Variants in ATE1 observed in about 807,000 individuals in gnomAD.
ATE1 encodes the protein arginyl-tRNA--protein transferase 1.
In ATE1, 36 loss-of-function variants were observed where a neutral mutation model predicts 70.5. That is an observed-to-expected ratio of 0.51 (90% CI 0.39 to 0.67). ATE1 has a LOEUF of 0.67. Among genes scored for constraint, ATE1 ranks in the 30% least tolerant of loss-of-function variants. ATE1 has a pLI of 0.00. For missense variants in ATE1, 593 were observed against 629.5 expected (o/e 0.94, Z 0.62); for synonymous variants, 232 against 219.3 (o/e 1.06, Z -0.51).
chr10:121,853,256 C>T (rs1309451311), intron 8 of ATE1, among the ~76,000 whole-genome samples: 5 of 146,166 alleles, frequency 3.4e-5, no homozygotes, highest in East Asian at 2.2e-4. Flanking sequence ...CCCACCTACT[C>T]GGGAGGCTGA....
chr10:121,782,080 C>A (rs1323706250), intron 11 of ATE1, among the ~76,000 whole-genome samples: 3 of 152,032 alleles, frequency 2.0e-5, no homozygotes, highest in African/African-American at 7.2e-5. Flanking sequence ...TTTAAAAATA[C>A]CTTGCAGGAA....
intron 10 of ATE1, among the ~76,000 whole-genome samples, chr10:121,803,783 G>A (rs957695710): frequency 2.0e-5 from 3 of 152,138 alleles, no homozygotes; most frequent in African/African-American, 7.2e-5. Context: ...AATCATAAAG[G>A]TCTGTTTAAT....
intron 8 of ATE1, among the ~76,000 whole-genome samples, chr10:121,869,051 T>C (rs772029123): frequency 1.8e-4 from 27 of 152,216 alleles, no homozygotes; most frequent in Non-Finnish European, 3.5e-4. Flanking sequence ...GAAGGACAAG[T>C]GCAAGGCAAG....
chr10:121,875,298 GTTTTTTTTTGTT>G (rs1160026721), intron 7 of ATE1, among the ~76,000 whole-genome samples: 3 of 89,482 alleles, frequency 3.4e-5, no homozygotes, highest in African/African-American at 4.3e-5. Context: ...TTTTTTTTTG[GTTTTTTTTTGTT>G]TTTTTTTTTT....
chr10:121,803,611 T>C (rs550994545), intron 10 of ATE1, among the ~76,000 whole-genome samples: 2 of 152,342 alleles, frequency 1.3e-5, no homozygotes, highest in East Asian at 1.9e-4. Flanking sequence ...CTTTTTAAAA[T>C]GTATATGCCC....
chr10:121,888,542 G>C (rs10887010), intron 7 of ATE1, among the ~76,000 whole-genome samples: 20,059 of 152,134 alleles, frequency 0.13, 1,522 homozygotes, highest in East Asian at 0.19. Flanking sequence ...TACAGTAAAA[G>C]AGTAAGACTG....
intron 11 of ATE1, among the ~76,000 whole-genome samples, chr10:121,755,117 TA>T (rs994721851): frequency 7.9e-5 from 12 of 152,276 alleles, no homozygotes; most frequent in Non-Finnish European, 1.3e-4. Context: ...ACCTTAGGTC[TA>T]AAAAAACAGA....
Position 121,806,436 on chromosome 10 carries a change from G to A in ATE1, c.1258-16147C>T, listed in dbSNP as rs11200170. Reference sequence around the variant, plus strand: ...CCACTGTACTTTAGTCTGGGTGACCGAGTGAGACCCTGACTCCCCCACCCC... The same window carrying A: ...CCACTGTACTTTAGTCTGGGTGACCAAGTGAGACCCTGACTCCCCCACCCC... On this transcript the variant is annotated intron_variant, in intron 10 of 11. Coordinates refer to ENST00000224652, the MANE Select transcript of ATE1 (RefSeq NM_001001976.3). Among the ~76,000 whole-genome samples, 132 of 152,204 alleles carry A rather than the reference G, an allele frequency of 8.7e-4. No homozygotes were observed. The East Asian group carries it at 0.018, about 21-fold the overall frequency.
intron 7 of ATE1, among the ~76,000 whole-genome samples, chr10:121,882,760 T>A (rs762714019): frequency 2.1e-4 from 32 of 152,210 alleles, no homozygotes; most frequent in Non-Finnish European, 1.0e-4. Flanking sequence ...GCACATTTGT[T>A]CTCAGGCAGG....
intron 5 of ATE1, among the ~76,000 whole-genome samples, chr10:121,906,016 A>G (rs779241588): frequency 5.9e-5 from 9 of 152,198 alleles, no homozygotes; most frequent in Non-Finnish European, 1.0e-4. Context: ...GATTAGTCCC[A>G]GGTGATTTAA....
At chr10:121,769,586 A>G (rs1333295947) in intron 11 of ATE1, among the ~76,000 whole-genome samples, 2 of 152,212 alleles carry the variant, frequency 1.3e-5, no homozygotes, top group Admixed American at 1.3e-4. Context: ...TTGCTCTGCG[A>G]AAAACCCTGA....
intron 8 of ATE1, among the ~76,000 whole-genome samples, chr10:121,849,485 C>T (rs1174935712): frequency 1.3e-5 from 2 of 152,192 alleles, no homozygotes; most frequent in Non-Finnish European, 2.9e-5. Flanking sequence ...ACTCCCATCT[C>T]TCAATTCCTG....
chr10:121,770,747 A>AC (rs946514613), intron 11 of ATE1, among the ~76,000 whole-genome samples: 2 of 151,998 alleles, frequency 1.3e-5, no homozygotes, highest in Admixed American at 6.6e-5. Flanking sequence ...AAAAAAAAAA[A>AC]AAAACTCTTA....
chr10:121,870,644 TTC>T (rs755770281), intron 7 of ATE1, among the ~76,000 whole-genome samples: 2 of 152,178 alleles, frequency 1.3e-5, no homozygotes, highest in Non-Finnish European at 2.9e-5. Context: ...CCTTTCTCCC[TTC>T]TCTCTCACCT....
chr10:121,848,730 G>A (rs1226463450), intron 8 of ATE1, among the ~76,000 whole-genome samples: 1 of 123,492 alleles, frequency 8.1e-6, no homozygotes, highest in African/African-American at 2.6e-5. Context: ...GGCCAACTTG[G>A]TGAAACCCTG....
At chr10:121,862,057 C>T (rs1949492737) in intron 8 of ATE1, among the ~76,000 whole-genome samples, 1 of 152,164 alleles carries the variant, frequency 6.6e-6, no homozygotes, top group Admixed American at 6.5e-5. Context: ...GAACAGAGAG[C>T]AGGTAAAAGC....
chr10:121,841,782 G>A (rs1590454076), intron 8 of ATE1, among the ~76,000 whole-genome samples: 1 of 152,260 alleles, frequency 6.6e-6, no homozygotes, highest in East Asian at 1.9e-4. Flanking sequence ...GCAAGAGTGG[G>A]TAAGGGATAA....
intron 11 of ATE1, among the ~76,000 whole-genome samples, chr10:121,767,328 G>C (rs1171086482): frequency 6.6e-6 from 1 of 151,890 alleles, no homozygotes; most frequent in African/African-American, 2.4e-5. Flanking sequence ...CCTAAGATCA[G>C]AAAAAAAGTA....
intron 10 of ATE1, among the ~76,000 whole-genome samples, chr10:121,816,753 C>T (rs1947559942): frequency 6.6e-6 from 1 of 152,194 alleles, no homozygotes; most frequent in African/African-American, 2.4e-5. Flanking sequence ...GTTACAGCAG[C>T]ACAAATGGAC....
Sources: gnomAD v4.1 joint callset for allele counts (sites outside exome capture counted in the v4.1 genomes callset) on GRCh38, gnomAD v4.1.1 for gene constraint, MANE v1.5 for transcripts, NCBI Gene and HGNC (gene_info 2026-07-23, HGNC 2026-07-21) for gene names.